Variants in ITGA2B observed in about 807,000 individuals in gnomAD.
The protein encoded by ITGA2B is integrin alpha-IIb.
A neutral mutation model predicts 142.0 loss-of-function variants in ITGA2B; 91 were observed. The ratio of observed to expected loss-of-function variants is 0.64; its 90% CI spans 0.54 to 0.76. ITGA2B has a LOEUF of 0.76. ITGA2B is among the 30% of genes least tolerant of loss of function. The probability of loss-of-function intolerance (pLI) is 0.00; values close to 1 mark genes in which losing one functional copy is unlikely to be tolerated. For missense variants in ITGA2B, 1,231 were observed against 1,350.8 expected (o/e 0.91, Z 1.39); for synonymous variants, 536 against 567.2 (o/e 0.94, Z 0.78).
intron 27 of ITGA2B, 24 bp downstream of exon 27, chr17:44,374,974 C>T: frequency 6.6e-7 from 1 of 1,505,124 alleles, no homozygotes. Flanking sequence ...AGGCCCGGCC[C>T]CGCCCCACCA....
At chr17:44,374,638 G>T in intron 28 of ITGA2B, 21 bp downstream of exon 28, 1 of 1,603,176 alleles carries the variant, frequency 6.2e-7, no homozygotes, top group Non-Finnish European at 8.5e-7. Flanking sequence ...ACTGGTCTCT[G>T]CTCCATCCCC....
chr17:44,389,630 G>A lies in ITGA2B; in HGVS notation c.-157C>T. 1.2e-6 allele frequency: 1 copy of A among 808,998 alleles called. No homozygotes were observed. The highest frequency in any genetic ancestry group is 1.9e-6 in the Non-Finnish European group (1 of 515,432). 50.1% of individuals were successfully genotyped at this position (808,998 alleles called of 1,614,324 possible). A position where few individuals can be genotyped will look rare whatever the true frequency, so the allele number is the denominator to read the frequency against. On this transcript the variant is annotated 5_prime_UTR_variant, in exon 1 of 30. Transcript: ENST00000262407. ...GGGCTATAGCCCCTGGACTCATGGT[G>A]GCTAGAATTGCCAGGAAGTGGGTGA... is the stretch of plus-strand genomic sequence containing the variant.
intron 26 of ITGA2B, 61 bp from the exon 27 acceptor site, chr17:44,375,172 C>T (rs1328637518): frequency 2.8e-6 from 4 of 1,418,222 alleles, no homozygotes; most frequent in African/African-American, 2.8e-5. Flanking sequence ...CATCCCCCAC[C>T]CCCTTACCCC....
Position 44,385,129 on chromosome 17 carries a change from C to T in ITGA2B, c.670+35G>A, listed in dbSNP as rs375511253. 7.2e-5 allele frequency: 117 copies of T among 1,613,888 alleles called. 1 individual carries two copies. The African/African-American group carries it at 1.3e-3, about 19-fold the overall frequency. On this transcript the variant is annotated intron_variant, in intron 6 of 29. Transcript: ENST00000262407. ...AGCCCAAAGCGGTCTCCTTGGGCCG[C>T]GAGAAGGGAGGGAGGTGTACGGATG... is the stretch of plus-strand genomic sequence containing the variant.
In ITGA2B at chr17:44,377,013, G is replaced by A. The variant is rs1305929352; in HGVS notation, c.2263C>T (p.Arg755Trp). The A allele has an allele frequency of 6.3e-7, 1 of 1,588,470 alleles. No individual in the cohort carries two copies. The highest frequency in any genetic ancestry group is 1.1e-5 in the South Asian group (1 of 87,352). The part of the protein sequence containing the change: ...GESVSFQLQI[R>W]SKNSQNPNSK... ...GCACGCTCGCCAGGTCAGTACCTCCGTATCTGCAGCTGGAAGGACACAGAC... is the reference window on the plus strand; with the variant it reads ...GCACGCTCGCCAGGTCAGTACCTCCATATCTGCAGCTGGAAGGACACAGAC... Residue 755 changes from arginine (R) to tryptophan (W), a missense_variant, in exon 22 of 30, where the codon CGG (arginine) becomes TGG (tryptophan). By Grantham distance (101) the Arg-to-Trp change is moderately radical. This residue lies in a region of ITGA2B where 908 missense variants were observed against 1,021.1 expected (regional missense o/e 0.89). Coordinates refer to ENST00000262407, the MANE Select transcript of ITGA2B (RefSeq NM_000419.5).
At position 44,389,504 on chromosome 17, in the gene ITGA2B, A is replaced by C. The variant is rs1221338122; in HGVS notation, c.-31T>G. 1 of 1,609,728 alleles carries C rather than the reference A, an allele frequency of 6.2e-7. No homozygotes were observed. Among genetic ancestry groups the C allele is most frequent in the African/African-American group, 1.3e-5 (1 of 74,926 alleles). ...TTCTTCCACAACCTCCCAGGCAGGA[A>C]TGGGCCAGCTCCTCCTCCTTCCCTT... On this transcript the variant is annotated 5_prime_UTR_variant, in exon 1 of 30. Transcript: ENST00000262407.
At chr17:44,386,470 A>G (rs559825271) in intron 1 of ITGA2B, among the ~76,000 whole-genome samples, 2 of 152,138 alleles carry the variant, frequency 1.3e-5, no homozygotes, top group African/African-American at 4.8e-5. Context: ...CCGCAACAAG[A>G]ACCAGCGGTT....
chr17:44,372,233 T>C lies in ITGA2B; in HGVS notation c.*131A>G, dbSNP rs577209460. 112 of 870,252 alleles carry C rather than the reference T, an allele frequency of 1.3e-4. No individual in the cohort carries two copies. In the South Asian group the frequency reaches 1.4e-3, roughly 11 times the overall value. 53.9% of individuals were successfully genotyped at this position (870,252 alleles called of 1,614,324 possible). A position where few individuals can be genotyped will look rare whatever the true frequency, so the allele number is the denominator to read the frequency against. ...CAGGAGGGGGGGTAGCCCAGCTCTG[T>C]TGGGAGGGAAACGACACCAAGAGGA... On this transcript the variant is annotated 3_prime_UTR_variant, in exon 30 of 30. Transcript: ENST00000262407.
chr17:44,375,020 A>T lies in ITGA2B; in HGVS notation c.2819T>A (p.Leu940Gln), dbSNP rs1415702396. 3 of 1,510,296 alleles carry T rather than the reference A, an allele frequency of 2.0e-6. No homozygotes were observed. Among genetic ancestry groups the T allele is most frequent in the Non-Finnish European group, 2.7e-6 (3 of 1,129,154 alleles). 93.6% of individuals were successfully genotyped at this position (1,510,296 alleles called of 1,614,324 possible). ...CACCTGGTAGAGGCTGGGCAGCCACAGGAAGGCCAGCACCGTGACCATGGC... is the reference window on the plus strand; with the variant it reads ...CACCTGGTAGAGGCTGGGCAGCCACTGGAAGGCCAGCACCGTGACCATGGC... ...QRAMVTVLAF[L>Q]WLPSLYQRPL... The change falls in exon 27 of 30, where the codon CTG (leucine) becomes CAG (glutamine). Residue 940 changes from leucine to glutamine, a missense_variant. Transcript: ENST00000262407.
Position 44,380,488 on chromosome 17 carries a change from G to A in ITGA2B, c.1442C>T (p.Ala481Val). The stretch of plus-strand genomic sequence containing the variant: ...GACAGAGGCCTTCACCACTGGCTGA[G>A]CTCTGATGGGATAGGGTGATGGGGT... ...YGANQVAVYR[A>V]QPVVKASVQL... The change falls in exon 15 of 30, where the codon GCT (alanine) becomes GTT (valine). Residue 481 changes from alanine (A) to valine (V), a missense_variant and splice_region_variant. Physicochemically the swap from Ala to Val is moderately conservative, Grantham distance 64. Transcript: ENST00000262407. 6.2e-7 allele frequency: 1 copy of A among 1,614,074 alleles called. No homozygotes were observed. Among genetic ancestry groups the A allele is most frequent in the Non-Finnish European group, 8.5e-7 (1 of 1,179,968 alleles).
At chr17:44,381,244 A>G (rs1410826239) in intron 12 of ITGA2B, among the ~76,000 whole-genome samples, 183 bp from the exon 13 acceptor site, 2 of 152,240 alleles carry the variant, frequency 1.3e-5, no homozygotes, top group Non-Finnish European at 2.9e-5. Flanking sequence ...GGACCTGCCA[A>G]GTAGGATTGT....
intron 7 of ITGA2B, 32 bp downstream of exon 7, chr17:44,384,916 G>A (rs1218927776): frequency 6.2e-7 from 1 of 1,613,558 alleles, no homozygotes; most frequent in Admixed American, 1.7e-5. Context: ...GGTGACCCTC[G>A]GGGTGCTGGA....
rs1333506979 is a variant in ITGA2B, at chr17:44,377,075, A to T, written c.2201T>A (p.Met734Lys). The change falls in exon 22 of 30, where the codon ATG (methionine) becomes AAG (lysine). Residue 734 changes from methionine to lysine, a missense_variant. Physicochemically the swap from Met to Lys is moderately conservative, Grantham distance 95. Coordinates refer to ENST00000262407, the MANE Select transcript of ITGA2B (RefSeq NM_000419.5). ...TTCCAGATTCCCCACGCTCACCAAC[A>T]TCGCGATTCCTATCTGGGAGATGAG... ...MKKNAQIGIA[M>K]LVSVGNLEEA... The T allele has an allele frequency of 3.8e-6, 6 of 1,580,834 alleles. No individual in the cohort carries two copies. Among genetic ancestry groups the T allele is most frequent in the Non-Finnish European group, 4.3e-6 (5 of 1,163,178 alleles).
At chr17:44,373,853 G>C (rs1210208815) in intron 29 of ITGA2B, 1 of 211,712 alleles carries the variant, frequency 4.7e-6, no homozygotes, top group African/African-American at 2.3e-5. Context: ...CCAGGAGAAT[G>C]ACATTTTTGT....
chr17:44,386,013 G>A lies in ITGA2B; in HGVS notation c.307C>T (p.Leu103Phe). Residue 103 changes from leucine to phenylalanine, a missense_variant, in exon 2 of 30, where the codon CTC (leucine) becomes TTC (phenylalanine). Physicochemically the swap from Leu to Phe is conservative, Grantham distance 22. This residue lies in a region of ITGA2B where 318 missense variants were observed against 312.2 expected (regional missense o/e 1.02). Transcript: ENST00000262407. ...GCTCTCCTTGCCTGGGACTCACGGA[G>A]GTCAAAGAGCAGCGAGGGGCACTGG... ...GGQCPSLLFD[L>F]RDETRNVGSQ... 1 of 1,613,906 alleles carries A rather than the reference G, an allele frequency of 6.2e-7. No individual in the cohort carries two copies. The highest frequency in any genetic ancestry group is 2.2e-5 in the East Asian group (1 of 44,876).
At chr17:44,382,035 T>A (rs2048601957) in intron 12 of ITGA2B, among the ~76,000 whole-genome samples, 1 of 152,182 alleles carries the variant, frequency 6.6e-6, no homozygotes. Flanking sequence ...GGCAGCCCAC[T>A]GTTATGCTAT....
chr17:44,387,546 CTG>C (rs1304380237), intron 1 of ITGA2B, among the ~76,000 whole-genome samples: 1 of 145,168 alleles, frequency 6.9e-6, no homozygotes, highest in Non-Finnish European at 1.5e-5. Context: ...GAAAAAAAGT[CTG>C]GGCATGGTGG....
rs774943865 is a variant in ITGA2B at position 44,385,806 on chromosome 17, C to T, written c.408+18G>A. On this transcript the variant is annotated intron_variant, in intron 3 of 29. Transcript: ENST00000262407. Reference sequence around the variant, plus strand: ...CCTGCCCCCGATTGTTCCCTGTGCCCTGTACCGCGGGGCCCACCACAATGA... The same window carrying T: ...CCTGCCCCCGATTGTTCCCTGTGCCTTGTACCGCGGGGCCCACCACAATGA... 3.1e-6 allele frequency: 5 copies of T among 1,606,180 alleles called. No homozygotes were observed. The highest frequency in any genetic ancestry group is 3.4e-5 in the Admixed American group (2 of 58,524).
At chr17:44,379,003 T>C (rs1261485001) in intron 18 of ITGA2B, among the ~76,000 whole-genome samples, 3 of 152,096 alleles carry the variant, frequency 2.0e-5, no homozygotes, top group African/African-American at 7.2e-5. Context: ...TGGAGTGCAG[T>C]GGCACTATCT....
Sources: allele counts gnomAD v4.1 joint callset (sites outside exome capture counted in the v4.1 genomes callset), GRCh38; gene constraint gnomAD v4.1.1; regional missense constraint gnomAD v4.1.1; transcripts MANE v1.5; gene names NCBI Gene and HGNC (gene_info 2026-07-23, HGNC 2026-07-21).